LAMA2: variants seen among roughly 807,000 people sequenced by gnomAD.
LAMA2 encodes the protein laminin subunit alpha 2.
A neutral mutation model predicts 364.8 loss-of-function variants in LAMA2; 269 were observed. The observed-to-expected ratio is 0.74, with a 90% CI of 0.67 to 0.82. The LOEUF (loss-of-function observed/expected upper bound fraction) is 0.82, where lower values mean the gene tolerates loss of function less well. LAMA2 is among the 40% of genes least tolerant of loss of function. The pLI is 0.00. For missense variants in LAMA2, 3,807 were observed against 3,873.2 expected (o/e 0.98, Z 0.45); for synonymous variants, 1,379 against 1,370.6 (o/e 1.01, Z -0.14).
At chr6:129,375,013 C>T (rs750025470) in intron 34 of LAMA2, among the ~76,000 whole-genome samples, 3 of 152,006 alleles carry the variant, frequency 2.0e-5, no homozygotes, top group Non-Finnish European at 4.4e-5. Context: ...GCTACCCTCT[C>T]TTCTTTAAGG....
chr6:129,358,999 A>G (rs894779479), intron 32 of LAMA2, among the ~76,000 whole-genome samples: 1 of 151,826 alleles, frequency 6.6e-6, no homozygotes, highest in Non-Finnish European at 1.5e-5. Flanking sequence ...GGTTGTGACT[A>G]TTTTTCTCAT....
intron 18 of LAMA2, among the ~76,000 whole-genome samples, chr6:129,285,176 C>G (rs1430716522): frequency 6.6e-6 from 1 of 152,072 alleles, no homozygotes; most frequent in Admixed American, 6.6e-5. Flanking sequence ...GTATTATATT[C>G]TCTGACCCTC....
chr6:128,904,481 G>C (rs1464657362), intron 1 of LAMA2, among the ~76,000 whole-genome samples: 1 of 131,556 alleles, frequency 7.6e-6, no homozygotes, highest in Non-Finnish European at 1.6e-5. Context: ...TTAAGATGGA[G>C]TCTCACCCTG....
intron 1 of LAMA2, among the ~76,000 whole-genome samples, chr6:128,921,713 T>TTTTTA (rs1328311348): frequency 2.6e-4 from 38 of 144,926 alleles, no homozygotes; most frequent in African/African-American, 9.2e-4. Context: ...TTTTTTTTTT[T>TTTTTA]ATTATTATTA....
chr6:129,132,522 C>G (rs1332303847), intron 4 of LAMA2, among the ~76,000 whole-genome samples: 1 of 152,178 alleles, frequency 6.6e-6, no homozygotes, highest in African/African-American at 2.4e-5. Flanking sequence ...AATGCAAACC[C>G]AAGAACATGT....
intron 49 of LAMA2, among the ~76,000 whole-genome samples, chr6:129,463,459 G>T (rs1002808): frequency 0.033 from 4,943 of 151,960 alleles, 273 homozygotes; most frequent in African/African-American, 0.11. Context: ...ACAGCTCTGT[G>T]TTTAGCCACT....
intron 1 of LAMA2, among the ~76,000 whole-genome samples, chr6:128,887,861 C>CTCTA (rs1010027303): frequency 6.6e-6 from 1 of 152,082 alleles, no homozygotes; most frequent in Non-Finnish European, 1.5e-5. Context: ...CAGAGGGAGA[C>CTCTA]TCTATCTCAA....
chr6:128,889,976 G>A (rs1029426939), intron 1 of LAMA2, among the ~76,000 whole-genome samples: 1 of 152,112 alleles, frequency 6.6e-6, no homozygotes, highest in Non-Finnish European at 1.5e-5. Context: ...GCCTAATCTA[G>A]TTCAAACAAC....
At chr6:129,412,816 A>G (rs4143749) in intron 40 of LAMA2, among the ~76,000 whole-genome samples, 75,303 of 151,944 alleles carry the variant, frequency 0.5, 19,081 homozygotes, top group African/African-American at 0.6. Flanking sequence ...GGCCCCTACC[A>G]TACTGGCTCA....
At chr6:129,346,524 T>G (rs1562480722) in intron 30 of LAMA2, among the ~76,000 whole-genome samples, 1 of 152,008 alleles carries the variant, frequency 6.6e-6, no homozygotes, top group Non-Finnish European at 1.5e-5. Context: ...ACACTATGAA[T>G]AAAAGATAAA....
At chr6:129,320,286 A>G (rs1000732430) in intron 27 of LAMA2, among the ~76,000 whole-genome samples, 3 of 152,222 alleles carry the variant, frequency 2.0e-5, no homozygotes, top group Non-Finnish European at 4.4e-5. Flanking sequence ...AAGAGGAGGG[A>G]TTGGTCCTGC....
chr6:129,354,029 A>G (rs1039626549), intron 32 of LAMA2, among the ~76,000 whole-genome samples: 2 of 152,222 alleles, frequency 1.3e-5, no homozygotes, highest in Non-Finnish European at 2.9e-5. Flanking sequence ...ATTCAAATCC[A>G]AAATAGGTTA....
chr6:129,178,003 C>T, intron 10 of LAMA2, 137 bp downstream of exon 10: 1 of 892,742 alleles, frequency 1.1e-6, no homozygotes, highest in Non-Finnish European at 1.8e-6. Context: ...GTGTGGTGAC[C>T]CACCAGGTTC....
At chr6:129,089,040 A>G (rs2114854800) in intron 3 of LAMA2, among the ~76,000 whole-genome samples, 1 of 152,322 alleles carries the variant, frequency 6.6e-6, no homozygotes, top group East Asian at 1.9e-4. Context: ...CACTGAGTGA[A>G]CGAGACTCCG....
At chr6:129,366,633 C>G (rs965068908) in intron 33 of LAMA2, among the ~76,000 whole-genome samples, 1 of 152,118 alleles carries the variant, frequency 6.6e-6, no homozygotes, top group African/African-American at 2.4e-5. Flanking sequence ...AACATAAAAT[C>G]AGGTATAAAC....
chr6:129,435,272 A>G (rs1025114979), intron 41 of LAMA2, among the ~76,000 whole-genome samples: 8 of 152,186 alleles, frequency 5.3e-5, no homozygotes, highest in African/African-American at 1.9e-4. Context: ...AAATTTCTAC[A>G]GTTCCATTTT....
At chr6:129,255,432 A>G (rs1272990827) in intron 14 of LAMA2, among the ~76,000 whole-genome samples, 1 of 149,274 alleles carries the variant, frequency 6.7e-6, no homozygotes, top group Non-Finnish European at 1.5e-5. Context: ...AAAAAAAAAA[A>G]AAAGCCTGGA....
At chr6:129,307,020 GA>G (rs1203873916) in intron 22 of LAMA2, among the ~76,000 whole-genome samples, 1 of 152,090 alleles carries the variant, frequency 6.6e-6, no homozygotes, top group Non-Finnish European at 1.5e-5. Context: ...TTGGATGCCA[GA>G]CATTATATAC....
At chr6:129,362,495 T>C (rs1280443464) in intron 32 of LAMA2, among the ~76,000 whole-genome samples, 2 of 152,176 alleles carry the variant, frequency 1.3e-5, no homozygotes, top group African/African-American at 4.8e-5. Context: ...GCACATGCCA[T>C]GCTCAAACAT....
Sources: allele counts gnomAD v4.1 joint callset (sites outside exome capture counted in the v4.1 genomes callset), GRCh38; gene constraint gnomAD v4.1.1; transcripts MANE v1.5; gene names NCBI Gene and HGNC (gene_info 2026-07-23, HGNC 2026-07-21).